The following KCNK4 variants were observed in gnomAD, a reference collection of about 807,000 sequenced individuals.
KCNK4 encodes potassium two pore domain channel subfamily K member 4, also known as potassium channel subfamily K member 4.
Under a neutral mutation model 28.8 loss-of-function variants are expected in KCNK4, and 22 were observed. That is an observed-to-expected ratio of 0.76 (90% CI 0.55 to 1.09). The LOEUF is 1.09. KCNK4 is among the 50% of genes least tolerant of loss of function. The pLI, the probability that KCNK4 is intolerant of heterozygous loss-of-function variation, is 0.00. For missense variants in KCNK4, 483 were observed against 546.3 expected (o/e 0.88, Z 1.15); for synonymous variants, 263 against 252.9 (o/e 1.04, Z -0.38).
chr11:64,296,774 A>AGGGAGGAGCAG (rs1190111990), intron 2 of KCNK4, 104 bp from the exon 3 acceptor site: 1 of 1,231,480 alleles, frequency 8.1e-7, no homozygotes, highest in Non-Finnish European at 1.1e-6. Flanking sequence ...AGGGGAGAAC[A>AGGGAGGAGCAG]GGGAGGAGCA....
rs199761405 is a variant in KCNK4 at position 64,297,491 on chromosome 11, G to C, written c.499G>C (p.Val167Leu). 3.1e-6 allele frequency: 5 copies of C among 1,614,174 alleles called. No homozygotes were observed. The highest frequency in any genetic ancestry group is 3.4e-6 in the Non-Finnish European group (4 of 1,180,028). ...FLKWHVPPEL[V>L]RVLSAMLFLL... ...GAAGTGGCACGTGCCACCGGAGCTA[G>C]TAAGAGTGCTGTCGGCGATGCTTTT... is the stretch of plus-strand genomic sequence containing the variant. The change falls in exon 5 of 7, where the codon GTA becomes CTA. Residue 167 changes from valine (V) to leucine (L), a missense_variant. Physicochemically the swap from Val to Leu is conservative, Grantham distance 32. Coordinates refer to ENST00000422670, the MANE Select transcript of KCNK4 (RefSeq NM_033310.3).
intron 1 of KCNK4, chr11:64,292,033 T>G (rs1418457922): frequency 1.7e-6 from 2 of 1,162,024 alleles, no homozygotes; most frequent in Non-Finnish European, 2.2e-6. Context: ...TCCACACACG[T>G]GTGCGTGGGC....
chr11:64,298,050 C>T, intron 5 of KCNK4, 60 bp from the exon 6 acceptor site: 1 of 1,579,164 alleles, frequency 6.3e-7, no homozygotes, highest in Non-Finnish European at 8.6e-7. Context: ...GGCACTGAAC[C>T]AGAGCTCACA....
intron 2 of KCNK4, 27 bp downstream of exon 2, chr11:64,293,234 A>C (rs2034684291): frequency 7.0e-7 from 1 of 1,422,706 alleles, no homozygotes; most frequent in South Asian, 1.5e-5. Context: ...CAGCCCCTTC[A>C]GCTGTCACCC....
rs752952047 is a variant in KCNK4 at position 64,297,225 on chromosome 11, C to A, written c.420C>A (p.Asp140Glu). 1.2e-6 allele frequency: 2 copies of A among 1,613,916 alleles called. No homozygotes were observed. The highest frequency in any genetic ancestry group is 1.3e-5 in the African/African-American group (1 of 74,914). The part of the protein sequence containing the change: ...LFGILLAGVG[D>E]RLGSSLRHGI... ...GGATCCTACTGGCAGGGGTCGGGGA[C>A]CGGCTGGGCTCCTCCCTGCGCCATG... The change falls in exon 4 of 7, where the codon GAC becomes GAA. Residue 140 changes from aspartate (D) to glutamate (E), a missense_variant. Physicochemically the swap from Asp to Glu is conservative, Grantham distance 45 (BLOSUM62 2). Transcript: ENST00000422670.
chr11:64,298,132 C>T lies in KCNK4; in HGVS notation c.684C>T (p.Ser228=). 2 of 1,613,826 alleles carry T rather than the reference C, an allele frequency of 1.2e-6. No homozygotes were observed. The highest frequency in any genetic ancestry group is 1.1e-5 in the South Asian group (1 of 91,032). ...YVAGADPRQD[S]PAYQPLVWFW... ...CAGGCGCGGACCCCAGGCAGGACTC[C>T]CCGGCCTATCAGCCGCTGGTGTGGT... Residue 228 remains serine, a synonymous_variant, in exon 6 of 7, where the codon TCC becomes TCT. Coordinates refer to ENST00000422670, the MANE Select transcript of KCNK4 (RefSeq NM_033310.3).
At chr11:64,297,344 G>A in intron 4 of KCNK4, 65 bp downstream of exon 4, 1 of 1,576,578 alleles carries the variant, frequency 6.3e-7, no homozygotes, top group South Asian at 1.2e-5. Context: ...CATGTCCCTG[G>A]CACATGAGCG....
Position 64,299,905 on chromosome 11 carries a change from C to A in KCNK4, c.*179C>A, listed in dbSNP as rs926266521. 9.1e-6 allele frequency: 11 copies of A among 1,213,366 alleles called. No individual in the cohort carries two copies. The highest frequency in any genetic ancestry group is 4.7e-5 in the Admixed American group (2 of 42,720). The allele number at this position is 1,213,366 out of a possible 1,614,324, so 75.2% of individuals were successfully genotyped here. On this transcript the variant is annotated 3_prime_UTR_variant, in exon 7 of 7. Coordinates refer to ENST00000422670, the MANE Select transcript of KCNK4 (RefSeq NM_033310.3). ...CCCTCACTTCCATCCATCTCTAGAC[C>A]CCCCCAAGGCTTTCTGTGTCGCTGC...
chr11:64,295,959 C>A (rs1248143858), intron 2 of KCNK4: 3 of 152,062 alleles, frequency 2.0e-5, no homozygotes, highest in African/African-American at 7.2e-5. Flanking sequence ...AAAATAGTCC[C>A]TGCCCATGGG....
chr11:64,293,128 G>T lies in KCNK4; in HGVS notation c.110G>T (p.Arg37Met). Reference sequence around the variant, plus strand: ...CAGCCCCACGAGCAGCAGGCCCAGAGGGAGCTGGGGGAGGTCCGAGAGAAG... The same window carrying T: ...CAGCCCCACGAGCAGCAGGCCCAGATGGAGCTGGGGGAGGTCCGAGAGAAG... ...LEQPHEQQAQ[R>M]ELGEVREKFL... Residue 37 changes from arginine to methionine, a missense_variant, in exon 2 of 7, where the codon AGG becomes ATG. Physicochemically the swap from Arg to Met is moderately conservative, Grantham distance 91 (BLOSUM62 -1). Coordinates refer to ENST00000422670, the MANE Select transcript of KCNK4 (RefSeq NM_033310.3). The T allele has an allele frequency of 1.9e-6, 3 of 1,542,432 alleles. No individual in the cohort carries two copies. The highest frequency in any genetic ancestry group is 2.6e-6 in the Non-Finnish European group (3 of 1,142,530).
At chr11:64,297,981 A>C in intron 5 of KCNK4, 129 bp from the exon 6 acceptor site, 12 of 1,113,626 alleles carry the variant, frequency 1.1e-5, no homozygotes, top group Non-Finnish European at 1.4e-5. Context: ...GCACTCACAC[A>C]CTCAAGCACA....
In KCNK4 at chr11:64,299,615, C is replaced by T. The variant is rs924735227; in HGVS notation, c.1071C>T (p.Arg357=). 3.7e-6 allele frequency: 6 copies of T among 1,608,700 alleles called. No homozygotes were observed. Among genetic ancestry groups the T allele is most frequent in the Admixed American group, 3.4e-5 (2 of 59,614 alleles). Residue 357 remains arginine, a synonymous_variant, in exon 7 of 7, where the codon CGC becomes CGT. Transcript: ENST00000422670. ...IDESSDTQSE[R]GCPLPRAPRG... ...AGTCCTCGGATACGCAGAGCGAGCG[C>T]GGCTGCCCGCTGCCCCGCGCGCCGA...
chr11:64,298,276 C>T (rs1275051994), intron 6 of KCNK4, 27 bp downstream of exon 6: 4 of 1,609,532 alleles, frequency 2.5e-6, no homozygotes, highest in Non-Finnish European at 8.5e-7. Flanking sequence ...TGGCACTGTG[C>T]CTGCGCACTG....
At chr11:64,298,319 T>A in intron 6 of KCNK4, 70 bp downstream of exon 6, 1 of 1,577,654 alleles carries the variant, frequency 6.3e-7, no homozygotes, top group Admixed American at 1.7e-5. Context: ...AGCAGGGGGT[T>A]GATCAGGCTG....
chr11:64,297,899 C>T (rs891807499), intron 5 of KCNK4, among the ~76,000 whole-genome samples: 1 of 152,188 alleles, frequency 6.6e-6, no homozygotes, highest in Non-Finnish European at 1.5e-5. Flanking sequence ...CATTCTTGCA[C>T]GGGAGCGCCC....
intron 2 of KCNK4, among the ~76,000 whole-genome samples, chr11:64,293,798 A>G (rs1591225285): frequency 6.6e-6 from 1 of 151,956 alleles, no homozygotes; most frequent in African/African-American, 2.4e-5. Flanking sequence ...ATGGGGTTTC[A>G]CCATGTTGGC....
At chr11:64,293,627 G>A (rs1459835884) in intron 2 of KCNK4, among the ~76,000 whole-genome samples, 2 of 151,952 alleles carry the variant, frequency 1.3e-5, no homozygotes, top group Non-Finnish European at 2.9e-5. Context: ...TTGAGACGGA[G>A]TCTCCCTGTG....
intron 1 of KCNK4, 134 bp from the exon 2 acceptor site, chr11:64,292,808 T>C: frequency 1.0e-6 from 1 of 958,198 alleles, no homozygotes; most frequent in Non-Finnish European, 1.4e-6. Flanking sequence ...GGACTGGGTG[T>C]GTCCAGCCAG....
intron 2 of KCNK4, among the ~76,000 whole-genome samples, chr11:64,293,652 G>A (rs2034695745): frequency 6.6e-6 from 1 of 152,086 alleles, no homozygotes; most frequent in African/African-American, 2.4e-5. Context: ...CCAGGCTGGA[G>A]TGCAGTGGTG....
Sources: gnomAD v4.1 joint callset for allele counts (sites outside exome capture counted in the v4.1 genomes callset) on GRCh38, gnomAD v4.1.1 for gene constraint, MANE v1.5 for transcripts, NCBI Gene and HGNC (gene_info 2026-07-23, HGNC 2026-07-21) for gene names.